The following PM20D2 variants were observed in gnomAD, a reference collection of about 807,000 sequenced individuals.
PM20D2 encodes the protein xaa-Arg dipeptidase.
A neutral mutation model predicts 42.9 loss-of-function variants in PM20D2; 33 were observed. That is an observed-to-expected ratio of 0.77 (90% CI 0.58 to 1.03). The LOEUF (loss-of-function observed/expected upper bound fraction) is 1.03, where lower values mean the gene tolerates loss of function less well. Ranked by LOEUF, PM20D2 falls within the 50% of genes least tolerant of loss-of-function variation. PM20D2 has a pLI of 0.00. For synonymous variants in PM20D2, 250 were observed against 228.2 expected (o/e 1.10, Z -0.86); for missense variants, 548 against 557.0 (o/e 0.98, Z 0.16).
chr6:89,104,197 A>T, the PM20D2 span, among the ~76,000 whole-genome samples: 2 of 149,498 alleles, frequency 1.3e-5, no homozygotes, highest in South Asian at 2.1e-4. Context: ...CATTTAGGAA[A>T]ATTTTATTTA....
At chr6:89,114,060 C>T in the PM20D2 span, among the ~76,000 whole-genome samples, 1 of 152,192 alleles carries the variant, frequency 6.6e-6, no homozygotes, top group Non-Finnish European at 1.5e-5. Flanking sequence ...TTCATATCAT[C>T]ACTCACCTGC....
chr6:89,152,359 G>A (rs191642787), intron 2 of PM20D2, among the ~76,000 whole-genome samples: 3 of 151,906 alleles, frequency 2.0e-5, no homozygotes, highest in Non-Finnish European at 2.9e-5. Context: ...ATCAAAGCAC[G>A]TCAATCACAG....
At chr6:89,127,455 G>A in the PM20D2 span, among the ~76,000 whole-genome samples, 2 of 151,640 alleles carry the variant, frequency 1.3e-5, no homozygotes, top group African/African-American at 2.4e-5. Flanking sequence ...TCAGCCTCCC[G>A]AATAGCTTGG....
At chr6:89,150,225 A>G (rs1290228757) in intron 2 of PM20D2, among the ~76,000 whole-genome samples, 2 of 152,178 alleles carry the variant, frequency 1.3e-5, no homozygotes, top group Non-Finnish European at 2.9e-5. Context: ...TCAAAGGGTG[A>G]TCATTTTAAC....
At chr6:89,116,923 T>C in the PM20D2 span, among the ~76,000 whole-genome samples, 5 of 152,256 alleles carry the variant, frequency 3.3e-5, no homozygotes, top group East Asian at 3.9e-4. Context: ...TTAAAACTCT[T>C]AGTTTCCGCT....
At chr6:89,110,967 A>C in the PM20D2 span, among the ~76,000 whole-genome samples, 1 of 152,042 alleles carries the variant, frequency 6.6e-6, no homozygotes, top group Non-Finnish European at 1.5e-5. Flanking sequence ...AAATAAAAAA[A>C]AATTAGCTGG....
At chr6:89,106,119 T>C in the PM20D2 span, among the ~76,000 whole-genome samples, 67 of 19,944 alleles carry the variant, frequency 3.4e-3, no homozygotes, top group East Asian at 0.02. Context: ...TTTAAATGTT[T>C]ATGTTTTTTT....
At chr6:89,130,816 CTTCTTTTTTTTTTTT>C in the PM20D2 span, among the ~76,000 whole-genome samples, 8 of 50,938 alleles carry the variant, frequency 1.6e-4, no homozygotes, top group African/African-American at 3.2e-4. Flanking sequence ...CTGGCTTCTT[CTTCTTTTTTTTTTTT>C]TTTTTTTTTT....
At position 89,158,441 on chromosome 6, in the gene PM20D2, A is replaced by T; in HGVS notation, c.1029A>T (p.Thr343=). Residue 343 remains threonine (T), a synonymous_variant, in exon 5 of 7, where the codon ACA becomes ACT. Coordinates refer to ENST00000275072, the MANE Select transcript of PM20D2 (RefSeq NM_001010853.3). The stretch of plus-strand genomic sequence containing the variant: ...GAATAGAGTTCATTTCAGAAGATAC[A>T]ATGTTGAATGGCCCTTCAGGTAATT... ...KLGIEFISED[T]MLNGPSGSTD... 6.2e-7 allele frequency: 1 copy of T among 1,607,598 alleles called. No homozygotes were observed. Among genetic ancestry groups the T allele is most frequent in the African/African-American group, 1.4e-5 (1 of 73,892 alleles).
chr6:89,094,989 CTTGTT>C, the PM20D2 span, among the ~76,000 whole-genome samples: 1 of 152,004 alleles, frequency 6.6e-6, no homozygotes, highest in Admixed American at 6.5e-5. Context: ...GAGTCATGGA[CTTGTT>C]TCAAAATTGT....
At chr6:89,156,645 G>C (rs1032823278) in intron 4 of PM20D2, among the ~76,000 whole-genome samples, 4 of 152,154 alleles carry the variant, frequency 2.6e-5, no homozygotes, top group African/African-American at 9.7e-5. Context: ...GGGAAAGAGT[G>C]GTCTGGGGCT....
chr6:89,154,020 T>C (rs1013734258), intron 3 of PM20D2, among the ~76,000 whole-genome samples: 4 of 152,242 alleles, frequency 2.6e-5, no homozygotes, highest in Admixed American at 6.5e-5. Context: ...GAAATTGTTA[T>C]ATTTTAATAT....
Position 89,147,293 on chromosome 6 carries a change from C to G in PM20D2, c.465+684C>G, listed in dbSNP as rs955098866. ...AGGGCAAGTTTAATCCTGTTTTACT[C>G]TGCTTTTCCAGATGGTATATTCTAC... is the stretch of plus-strand genomic sequence containing the variant. On this transcript the variant is annotated intron_variant, in intron 1 of 6. Coordinates refer to ENST00000275072, the MANE Select transcript of PM20D2 (RefSeq NM_001010853.3). 3.3e-5 allele frequency among the ~76,000 whole-genome samples: 5 copies of G among 152,312 alleles called. No homozygotes were observed. In the East Asian group the frequency reaches 5.8e-4, roughly 18 times the overall value.
chr6:89,101,766 G>C, the PM20D2 span, among the ~76,000 whole-genome samples: 1 of 151,988 alleles, frequency 6.6e-6, no homozygotes, highest in Non-Finnish European at 1.5e-5. Context: ...TTCTTTCAAA[G>C]GAGCAACCAC....
Position 89,146,257 on chromosome 6 carries a change from TG to T in PM20D2, c.118del (p.Ala40ProfsTer2), listed in dbSNP as rs1185128031. 1 of 1,579,990 alleles carries T rather than the reference TG, an allele frequency of 6.3e-7. No homozygotes were observed. The highest frequency in any genetic ancestry group is 8.5e-7 in the Non-Finnish European group (1 of 1,170,914). On this transcript the variant is annotated frameshift_variant, in exon 1 of 7. Transcript: ENST00000275072. LOFTEE classifies it high-confidence loss of function. ...AECIDEAAER[L>X]GALSRAIWSQ... ...TGCATCGACGAGGCGGCCGAGCGGC[TG>T]GGGGCCCTGAGCCGCGCGATCTGGA...
chr6:89,158,801 C>T (rs1771137340), intron 5 of PM20D2, among the ~76,000 whole-genome samples: 1 of 152,144 alleles, frequency 6.6e-6, no homozygotes, highest in African/African-American at 2.4e-5. Context: ...AAGCAGGTTA[C>T]TAAGTACTTA....
intron 2 of PM20D2, 149 bp downstream of exon 2, chr6:89,149,562 A>T: frequency 9.9e-7 from 1 of 1,008,406 alleles, no homozygotes. Flanking sequence ...ATGGAGTGAC[A>T]TTTGGCAAGC....
upstream of PM20D2, among the ~76,000 whole-genome samples, chr6:89,143,510 G>A (rs142302044): frequency 1.8e-3 from 274 of 152,126 alleles, 3 homozygotes; most frequent in African/African-American, 6.3e-3. Context: ...CCTCAAGAGA[G>A]AACTATCTGC....
chr6:89,156,456 TTC>T (rs1771052225), intron 4 of PM20D2, among the ~76,000 whole-genome samples: 1 of 152,236 alleles, frequency 6.6e-6, no homozygotes, highest in Non-Finnish European at 1.5e-5. Flanking sequence ...GAGATAATGT[TTC>T]TGAAGGGTTT....
Sources: gnomAD v4.1 joint callset for allele counts (sites outside exome capture counted in the v4.1 genomes callset) on GRCh38, gnomAD v4.1.1 for gene constraint, MANE v1.5 for transcripts, NCBI Gene and HGNC (gene_info 2026-07-23, HGNC 2026-07-21) for gene names.